Variants in ARHGAP5 observed in about 807,000 individuals in gnomAD.
ARHGAP5 encodes the protein Rho GTPase activating protein 5.
A neutral mutation model predicts 116.6 loss-of-function variants in ARHGAP5; 23 were observed. The observed-to-expected ratio is 0.20, with a 90% CI of 0.14 to 0.28. ARHGAP5 has a LOEUF of 0.28. ARHGAP5 is among the 10% of genes least tolerant of loss of function. The pLI, the probability that ARHGAP5 is intolerant of heterozygous loss-of-function variation, is 1.00. For synonymous variants in ARHGAP5, 574 were observed against 602.0 expected, an observed-to-expected ratio of 0.95 and a Z score of 0.68; for missense variants, 1,405 against 1,774.8, an observed-to-expected ratio of 0.79 and a Z score of 3.74.
intron 2 of ARHGAP5, among the ~76,000 whole-genome samples, chr14:32,102,179 T>A (rs1878822008): frequency 2.0e-5 from 3 of 152,244 alleles, no homozygotes; most frequent in Non-Finnish European, 2.9e-5. Flanking sequence ...ATTTTATCCA[T>A]TGTTACCTTG....
intron 3 of ARHGAP5, among the ~76,000 whole-genome samples, chr14:32,134,873 C>G (rs983825522): frequency 5.9e-5 from 9 of 152,166 alleles, no homozygotes; most frequent in African/African-American, 2.2e-4. Flanking sequence ...GCTATTGGGC[C>G]TGAGCCATCA....
intron 3 of ARHGAP5, among the ~76,000 whole-genome samples, chr14:32,135,545 C>T (rs776195626): frequency 2.0e-5 from 3 of 152,236 alleles, no homozygotes; most frequent in Non-Finnish European, 4.4e-5. Flanking sequence ...GCCTCAGCCT[C>T]CTGAGTAGCT....
chr14:32,151,823 C>G (rs775025106), intron 5 of ARHGAP5, among the ~76,000 whole-genome samples: 2 of 152,128 alleles, frequency 1.3e-5, no homozygotes, highest in Non-Finnish European at 2.9e-5. Flanking sequence ...CCCATTTTGT[C>G]AATGCTGGGT....
intron 3 of ARHGAP5, among the ~76,000 whole-genome samples, chr14:32,119,218 C>T (rs894348158): frequency 6.6e-6 from 1 of 151,902 alleles, no homozygotes; most frequent in Non-Finnish European, 1.5e-5. Context: ...TTCATTTCAT[C>T]TAAATTTCAT....
At chr14:32,147,623 A>G (rs1881436575) in intron 4 of ARHGAP5, among the ~76,000 whole-genome samples, 2 of 152,198 alleles carry the variant, frequency 1.3e-5, no homozygotes, top group African/African-American at 2.4e-5. Flanking sequence ...GCATGCCAAG[A>G]TATACTTACA....
At chr14:32,086,889 A>G (rs2041834850) in intron 1 of ARHGAP5, among the ~76,000 whole-genome samples, 1 of 150,720 alleles carries the variant, frequency 6.6e-6, no homozygotes, top group Non-Finnish European at 1.5e-5. Flanking sequence ...ATTGCAAGCT[A>G]TTAAAAGCAG....
At chr14:32,080,307 CTTAA>C (rs1189769270) in intron 1 of ARHGAP5, among the ~76,000 whole-genome samples, 2 of 149,958 alleles carry the variant, frequency 1.3e-5, no homozygotes, top group African/African-American at 4.9e-5. Context: ...GAATATTTAA[CTTAA>C]TTAAATATAA....
At chr14:32,145,505 T>C (rs375584377) in intron 3 of ARHGAP5, among the ~76,000 whole-genome samples, 7 of 152,122 alleles carry the variant, frequency 4.6e-5, no homozygotes, top group Non-Finnish European at 1.0e-4. Flanking sequence ...GGTATGGTGG[T>C]GGTGGTGTTT....
At chr14:32,095,419 T>TTG (rs1555355878) in intron 2 of ARHGAP5, among the ~76,000 whole-genome samples, 8 of 149,952 alleles carry the variant, frequency 5.3e-5, no homozygotes, top group African/African-American at 2.0e-4. Context: ...TTTTTTTGTT[T>TTG]TTTTTTTTTT....
intron 3 of ARHGAP5, among the ~76,000 whole-genome samples, chr14:32,143,227 G>GTTATTATTATTATTA (rs1277351875): frequency 3.4e-5 from 5 of 147,666 alleles, no homozygotes; most frequent in Admixed American, 1.3e-4. Context: ...TGTTGTTGTT[G>GTTATTATTATTATTA]TTGTTGTTGT....
rs1433758054 is a variant in ARHGAP5 at position 32,091,031 on chromosome 14, C to T, written c.362C>T (p.Ala121Val). 3 of 1,613,628 alleles carry T rather than the reference C, an allele frequency of 1.9e-6. No homozygotes were observed. Among genetic ancestry groups the T allele is most frequent in the Non-Finnish European group, 2.5e-6 (3 of 1,179,668 alleles). Residue 121 changes from alanine to valine, a missense_variant, in exon 2 of 7, where the codon GCA becomes GTA. By Grantham distance (64) the Ala-to-Val change is moderately conservative. Transcript: ENST00000345122. ...NLQPYIKRAA[A>V]SKLQSAEKLM... ...CAACCATATATAAAACGTGCAGCTG[C>T]ATCTAAATTGCAGTCAGCAGAAAAA...
rs1350864066 is a variant in ARHGAP5 at position 32,157,164 on chromosome 14, T to G, written c.*2216T>G. The G allele has an allele frequency of 6.6e-6, 1 of 152,340 alleles. No individual in the cohort carries two copies. 9.4% of individuals were successfully genotyped at this position (152,340 alleles called of 1,614,324 possible). A position where few individuals can be genotyped will look rare whatever the true frequency, so the allele number is the denominator to read the frequency against. On this transcript the variant is annotated 3_prime_UTR_variant, in exon 7 of 7. Transcript: ENST00000345122. ...GTCATTTAAATACTCTACGTTTGGTTCAATTAACCAGTAGGTTACAGTTAT... is the reference window on the plus strand; with the variant it reads ...GTCATTTAAATACTCTACGTTTGGTGCAATTAACCAGTAGGTTACAGTTAT...
chr14:32,085,625 T>C (rs1387035539), intron 1 of ARHGAP5, among the ~76,000 whole-genome samples: 1 of 152,200 alleles, frequency 6.6e-6, no homozygotes, highest in Non-Finnish European at 1.5e-5. Flanking sequence ...ATGATAATCT[T>C]TGGGCTTTGT....
intron 3 of ARHGAP5, among the ~76,000 whole-genome samples, chr14:32,131,591 GTTATTA>G (rs1048262490): frequency 6.6e-6 from 1 of 151,604 alleles, no homozygotes; most frequent in African/African-American, 2.4e-5. Flanking sequence ...TTTGTTTTTT[GTTATTA>G]TTATACTTCA....
chr14:32,095,710 C>T (rs1878494407), intron 2 of ARHGAP5, among the ~76,000 whole-genome samples: 1 of 152,146 alleles, frequency 6.6e-6, no homozygotes, highest in Non-Finnish European at 1.5e-5. Flanking sequence ...CCACCGCGCC[C>T]AGCTGTAAAC....
chr14:32,093,289 C>G lies in ARHGAP5; in HGVS notation c.2620C>G (p.Gln874Glu). 6.2e-7 allele frequency: 1 copy of G among 1,613,514 alleles called. No individual in the cohort carries two copies. Among genetic ancestry groups the G allele is most frequent in the Non-Finnish European group, 8.5e-7 (1 of 1,179,782 alleles). The change falls in exon 2 of 7, where the codon CAA becomes GAA. Residue 874 changes from glutamine to glutamate, a missense_variant. Transcript: ENST00000345122. ...GCTTCGAGCATTTCTATCAGAAGTTCAAGACACCATTCCTGTACAGCTGGT... is the reference window on the plus strand; with the variant it reads ...GCTTCGAGCATTTCTATCAGAAGTTGAAGACACCATTCCTGTACAGCTGGT... ...GMLRAFLSEV[Q>E]DTIPVQLVAV...
intron 3 of ARHGAP5, among the ~76,000 whole-genome samples, chr14:32,130,796 G>T (rs113095168): frequency 0.099 from 15,094 of 152,234 alleles, 1,213 homozygotes; most frequent in Admixed American, 0.27. Flanking sequence ...CTCCCAAAGT[G>T]CTGGGATTAC....
intron 3 of ARHGAP5, among the ~76,000 whole-genome samples, chr14:32,133,467 TGAG>T (rs966383223): frequency 1.9e-4 from 29 of 152,342 alleles, no homozygotes; most frequent in African/African-American, 5.8e-4. Flanking sequence ...CTTATCAGCT[TGAG>T]GAGATTTTGG....
chr14:32,114,251 G>C (rs762382360), intron 2 of ARHGAP5, among the ~76,000 whole-genome samples: 4 of 151,682 alleles, frequency 2.6e-5, no homozygotes, highest in Non-Finnish European at 5.9e-5. Context: ...ATCTACCCAA[G>C]TGTAATCTCT....
Sources: gnomAD v4.1 joint callset for allele counts (sites outside exome capture counted in the v4.1 genomes callset) on GRCh38, gnomAD v4.1.1 for gene constraint, MANE v1.5 for transcripts, NCBI Gene and HGNC (gene_info 2026-07-23, HGNC 2026-07-21) for gene names.